Variants in DZIP1 observed in about 807,000 individuals in gnomAD.
The protein encoded by DZIP1 is DAZ interacting zinc finger protein 1, also known as cilium assembly protein DZIP1.
Under a neutral mutation model 107.6 loss-of-function variants are expected in DZIP1, and 97 were observed. The ratio of observed to expected loss-of-function variants is 0.90; its 90% CI spans 0.77 to 1.07. DZIP1 has a LOEUF of 1.07. Ranked by LOEUF, DZIP1 falls within the 50% of genes least tolerant of loss-of-function variation. The probability of loss-of-function intolerance (pLI) is 0.00; values close to 1 mark genes in which losing one functional copy is unlikely to be tolerated. For missense variants in DZIP1, 1,035 were observed against 1,063.6 expected, an observed-to-expected ratio of 0.97 and a Z score of 0.37; for synonymous variants, 390 against 386.4, an observed-to-expected ratio of 1.01 and a Z score of -0.11.
chr13:95,631,241 A>C (rs1039359511), intron 6 of DZIP1, among the ~76,000 whole-genome samples: 4 of 152,148 alleles, frequency 2.6e-5, no homozygotes, highest in Non-Finnish European at 5.9e-5. Flanking sequence ...GAATTACTTG[A>C]GGCCAGGAGT....
Position 95,603,950 on chromosome 13 carries a change from C to CCT in DZIP1, c.1477+2051_1477+2052dup, listed in dbSNP as rs1452508575. Among the ~76,000 whole-genome samples, 4 of 152,292 alleles carry CCT rather than the reference C, an allele frequency of 2.6e-5. No individual in the cohort carries two copies. The East Asian group carries it at 7.7e-4, about 29-fold the overall frequency. Reference sequence around the variant, plus strand: ...TCCCTTCCAGGCTGCTTTAGCTCACCCTCTCTTTGGGGCAGCCCCCATCAG... The same window carrying CCT: ...TCCCTTCCAGGCTGCTTTAGCTCACCCTCTCTCTTTGGGGCAGCCCCCATCAG... On this transcript the variant is annotated intron_variant, in intron 14 of 22. Transcript: ENST00000376829.
chr13:95,635,032 C>T (rs1233625150), intron 5 of DZIP1, among the ~76,000 whole-genome samples: 3 of 151,988 alleles, frequency 2.0e-5, no homozygotes, highest in African/African-American at 7.2e-5. Context: ...GCTGAAGGGG[C>T]TGAAGCTTGT....
chr13:95,607,913 A>G (rs1355572547), intron 13 of DZIP1, among the ~76,000 whole-genome samples: 1 of 152,238 alleles, frequency 6.6e-6, no homozygotes, highest in Non-Finnish European at 1.5e-5. Flanking sequence ...TATATTAGAC[A>G]TTACAAATCT....
intron 6 of DZIP1, among the ~76,000 whole-genome samples, 167 bp downstream of exon 6, chr13:95,633,067 C>G (rs961787806): frequency 3.3e-5 from 5 of 152,278 alleles, no homozygotes; most frequent in African/African-American, 9.6e-5. Flanking sequence ...TCTCCAGCAC[C>G]TGGTGCACTG....
chr13:95,586,073 T>C lies in DZIP1; in HGVS notation c.2282A>G (p.Asn761Ser). 1 of 1,612,236 alleles carries C rather than the reference T, an allele frequency of 6.2e-7. No individual in the cohort carries two copies. Among genetic ancestry groups the C allele is most frequent in the Non-Finnish European group, 8.5e-7 (1 of 1,179,414 alleles). ...EKMFPHRKNV[N>S]KPVGGTNVPE... ...GACATTAGTTCCACCGACTGGTTTG[T>C]TCACATTTTTGCGATGTGGAAACAT... Residue 761 changes from asparagine (N) to serine (S), a missense_variant, in exon 21 of 23, where the codon AAC becomes AGC. Transcript: ENST00000376829.
chr13:95,609,651 A>C, intron 12 of DZIP1, 138 bp from the exon 13 acceptor site: 1 of 472,588 alleles, frequency 2.1e-6, no homozygotes, highest in Admixed American at 4.3e-5. Flanking sequence ...CAGGAGAATA[A>C]ATATGTGTAA....
Position 95,641,863 on chromosome 13 carries a change from G to C in DZIP1, c.37-8C>G. 3 of 1,445,732 alleles carry C rather than the reference G, an allele frequency of 2.1e-6. No homozygotes were observed. Among genetic ancestry groups the C allele is most frequent in the East Asian group, 5.5e-5 (2 of 36,578 alleles). The allele number at this position is 1,445,732 out of a possible 1,614,324, so 89.6% of individuals were successfully genotyped here. A position where few individuals can be genotyped will look rare whatever the true frequency, so the allele number is the denominator to read the frequency against. On this transcript the variant is annotated splice_polypyrimidine_tract_variant and splice_region_variant and intron_variant, in intron 4 of 22. Coordinates refer to ENST00000376829, the MANE Select transcript of DZIP1 (RefSeq NM_198968.4). This position sits in a 1 kb window ranked among gnomAD's most constrained non-coding sequence, Gnocchi z 4.3. Reference sequence around the variant, plus strand: ...GACATGCTTCTGGAAGGGCTGCGGGGGGCACAAAGAGAGCGCGGCGGGAGG... The same window carrying C: ...GACATGCTTCTGGAAGGGCTGCGGGCGGCACAAAGAGAGCGCGGCGGGAGG...
At chr13:95,619,755 G>T (rs1470785701) in intron 10 of DZIP1, 130 bp downstream of exon 10, 3 of 802,046 alleles carry the variant, frequency 3.7e-6, no homozygotes, top group African/African-American at 1.7e-5. Flanking sequence ...AGAATTATAG[G>T]TAATTTTAAT....
intron 5 of DZIP1, among the ~76,000 whole-genome samples, chr13:95,640,660 C>A (rs1268134873): frequency 6.6e-6 from 1 of 152,058 alleles, no homozygotes; most frequent in Non-Finnish European, 1.5e-5. Context: ...AAGATTAAGA[C>A]CAGAAGATAA....
At position 95,641,302 on chromosome 13, in the gene DZIP1, T is replaced by C; in HGVS notation, c.590A>G (p.Tyr197Cys). Residue 197 changes from tyrosine (Y) to cysteine (C), a missense_variant, in exon 5 of 23, where the codon TAT becomes TGT. Transcript: ENST00000376829. The surrounding 1 kb of genome is among the most constrained non-coding windows in gnomAD (Gnocchi z 4.3). ...TCACACACAGCTGCCCACCTGGTAATAGTTGGCTTTGGCCTCGATCATCAG... is the reference window on the plus strand; with the variant it reads ...TCACACACAGCTGCCCACCTGGTAACAGTTGGCTTTGGCCTCGATCATCAG... Reference protein sequence around the residue: ...QQLMIEAKANYYQCHFCDKAF... With the variant: ...QQLMIEAKANCYQCHFCDKAF... The C allele has an allele frequency of 1.3e-6, 2 of 1,582,492 alleles. No homozygotes were observed. Among genetic ancestry groups the C allele is most frequent in the Non-Finnish European group, 1.7e-6 (2 of 1,158,548 alleles).
chr13:95,583,184 T>C (rs995822497), intron 22 of DZIP1, among the ~76,000 whole-genome samples: 6 of 151,678 alleles, frequency 4.0e-5, no homozygotes, highest in African/African-American at 1.5e-4. Flanking sequence ...CCCAACAGTT[T>C]GGGAGGCTGG....
chr13:95,585,882 G>GA (rs1211462938), intron 21 of DZIP1, 124 bp downstream of exon 21: 4 of 981,950 alleles, frequency 4.1e-6, no homozygotes, highest in Non-Finnish European at 4.3e-6. Context: ...CAAGAAAGGT[G>GA]AAAATCTCAA....
rs1446724688 is a variant in DZIP1 at position 95,643,090 on chromosome 13, A to G, written c.-260T>C. The G allele has an allele frequency of 6.6e-6, 1 of 152,180 alleles. No homozygotes were observed. The highest frequency in any genetic ancestry group is 1.5e-5 in the Non-Finnish European group (1 of 68,056). The allele number at this position is 152,180 out of a possible 1,614,324, so 9.4% of individuals were successfully genotyped here. A position where few individuals can be genotyped will look rare whatever the true frequency, so the allele number is the denominator to read the frequency against. Reference sequence around the variant, plus strand: ...GCATTCTGGGCTTTGGAGAGGCTAAAATATTTCTAGCAGCGACTTGTAGAC... The same window carrying G: ...GCATTCTGGGCTTTGGAGAGGCTAAGATATTTCTAGCAGCGACTTGTAGAC... On this transcript the variant is annotated 5_prime_UTR_variant, in exon 3 of 23. Transcript: ENST00000376829.
At chr13:95,614,125 CAAAAAA>C (rs11327779) in intron 10 of DZIP1, among the ~76,000 whole-genome samples, 2 of 73,432 alleles carry the variant, frequency 2.7e-5, no homozygotes, top group Non-Finnish European at 2.8e-5. Context: ...GACCCTGTCT[CAAAAAA>C]AAAAAAAAAA....
intron 6 of DZIP1, chr13:95,630,804 C>T (rs763025269): frequency 1.7e-6 from 2 of 1,175,444 alleles, no homozygotes; most frequent in South Asian, 2.5e-5. Context: ...GTCAGAATCT[C>T]AAAGATGACC....
At chr13:95,626,280 G>A (rs900511908) in intron 7 of DZIP1, among the ~76,000 whole-genome samples, 3 of 152,162 alleles carry the variant, frequency 2.0e-5, no homozygotes, top group African/African-American at 7.2e-5. Flanking sequence ...GCAACAGAGA[G>A]AATAGATGAA....
chr13:95,624,628 C>T lies in DZIP1; in HGVS notation c.972+140G>A. 3.8e-6 allele frequency: 3 copies of T among 786,274 alleles called. No homozygotes were observed. In the South Asian group the frequency reaches 4.9e-5, roughly 13 times the overall value. The allele number at this position is 786,274 out of a possible 1,614,324, so 48.7% of individuals were successfully genotyped here. A position where few individuals can be genotyped will look rare whatever the true frequency, so the allele number is the denominator to read the frequency against. Reference sequence around the variant, plus strand: ...CTGACTCACTCTGTCTCCTCTATGCCTCCCTCAAGACTCTCAGGGAGAAGA... The same window carrying T: ...CTGACTCACTCTGTCTCCTCTATGCTTCCCTCAAGACTCTCAGGGAGAAGA... On this transcript the variant is annotated intron_variant, in intron 8 of 22. Transcript: ENST00000376829.
At position 95,594,102 on chromosome 13, in the gene DZIP1, A is replaced by T; in HGVS notation, c.1538-16T>A. The T allele has an allele frequency of 6.3e-7, 1 of 1,578,768 alleles. No homozygotes were observed. On this transcript the variant is annotated splice_polypyrimidine_tract_variant and intron_variant, in intron 15 of 22. Coordinates refer to ENST00000376829, the MANE Select transcript of DZIP1 (RefSeq NM_198968.4). ...TTTTCCCTTCCTGAAATAAGGTTTT[A>T]AAAATGTGTTAAAAAAAGAATTAAG...
intron 9 of DZIP1, 140 bp from the exon 10 acceptor site, chr13:95,620,087 T>C (rs1191298374): frequency 1.8e-5 from 15 of 812,246 alleles, no homozygotes; most frequent in Admixed American, 5.1e-5. Flanking sequence ...AGTTTGGCTC[T>C]CGGTCCCCAC....
Sources: allele counts gnomAD v4.1 joint callset (sites outside exome capture counted in the v4.1 genomes callset), GRCh38; gene constraint gnomAD v4.1.1; non-coding constraint Gnocchi (gnomAD v3.1); transcripts MANE v1.5; gene names NCBI Gene and HGNC (gene_info 2026-07-23, HGNC 2026-07-21).